The following LRRC4C variants were observed in gnomAD, a reference collection of about 807,000 sequenced individuals.
LRRC4C encodes leucine-rich repeat-containing protein 4C.
A neutral mutation model predicts 33.6 loss-of-function variants in LRRC4C; 5 were observed. The observed-to-expected ratio is 0.15, with a 90% CI of 0.08 to 0.31. The LOEUF is 0.31. Ranked by LOEUF, LRRC4C falls within the 10% of genes least tolerant of loss-of-function variation. LRRC4C has a pLI of 1.00. For synonymous variants in LRRC4C, 329 were observed against 302.0 expected, an observed-to-expected ratio of 1.09 and a Z score of -0.93; for missense variants, 560 against 796.7, an observed-to-expected ratio of 0.70 and a Z score of 3.58.
intron 3 of LRRC4C, among the ~76,000 whole-genome samples, chr11:40,411,217 TAAC>T (rs1426812423): frequency 1.3e-5 from 2 of 152,110 alleles, no homozygotes; most frequent in Non-Finnish European, 2.9e-5. Flanking sequence ...CATTAAAAGA[TAAC>T]AAAATGTGTG....
At chr11:40,545,862 C>T (rs1024599622) in intron 3 of LRRC4C, among the ~76,000 whole-genome samples, 3 of 151,898 alleles carry the variant, frequency 2.0e-5, no homozygotes, top group Non-Finnish European at 4.4e-5. Context: ...GAAACTTCAT[C>T]AGTCATTAAA....
chr11:41,425,882 G>A (rs1397336405), intron 1 of LRRC4C, among the ~76,000 whole-genome samples: 5 of 152,052 alleles, frequency 3.3e-5, no homozygotes, highest in Non-Finnish European at 5.9e-5. Flanking sequence ...TGAGCACGTG[G>A]GTAAGGGATA....
chr11:40,192,714 C>T (rs1377308541), intron 5 of LRRC4C, among the ~76,000 whole-genome samples: 7 of 152,156 alleles, frequency 4.6e-5, no homozygotes, highest in South Asian at 2.1e-4. Flanking sequence ...TTGAAATTCT[C>T]GCTGCCAGCA....
chr11:40,781,678 CA>C (rs971365623), intron 2 of LRRC4C, among the ~76,000 whole-genome samples: 4 of 152,118 alleles, frequency 2.6e-5, no homozygotes, highest in Non-Finnish European at 4.4e-5. Flanking sequence ...TCCCCCTTGC[CA>C]ATATTTTCAT....
chr11:40,678,417 T>G (rs1424838632), intron 2 of LRRC4C, among the ~76,000 whole-genome samples: 1 of 152,180 alleles, frequency 6.6e-6, no homozygotes, highest in African/African-American at 2.4e-5. Context: ...TGTTATTTCC[T>G]TGGTATATTT....
intron 1 of LRRC4C, among the ~76,000 whole-genome samples, chr11:41,083,240 G>A (rs1481056698): frequency 3.3e-5 from 5 of 151,940 alleles, no homozygotes; most frequent in Admixed American, 6.6e-5. Flanking sequence ...ATTATTAAAT[G>A]TATTTTTTAA....
chr11:40,509,432 A>C (rs1031273769), intron 3 of LRRC4C, among the ~76,000 whole-genome samples: 3 of 152,180 alleles, frequency 2.0e-5, no homozygotes, highest in Non-Finnish European at 4.4e-5. Flanking sequence ...GCAATTGAAG[A>C]AAAATGTAAA....
At chr11:40,284,970 T>G (rs1410943260) in intron 4 of LRRC4C, among the ~76,000 whole-genome samples, 9 of 152,232 alleles carry the variant, frequency 5.9e-5, no homozygotes, top group South Asian at 2.1e-4. Context: ...CTATCAGTGG[T>G]TTCGGGCATC....
At chr11:41,059,047 C>T (rs1182139588) in intron 1 of LRRC4C, among the ~76,000 whole-genome samples, 2 of 151,916 alleles carry the variant, frequency 1.3e-5, no homozygotes, top group African/African-American at 4.8e-5. Context: ...GACACCAGGG[C>T]TGACTTGAGG....
At chr11:40,821,983 C>T (rs2135472155) in intron 2 of LRRC4C, among the ~76,000 whole-genome samples, 1 of 151,830 alleles carries the variant, frequency 6.6e-6, no homozygotes, top group East Asian at 1.9e-4. Context: ...TATCTATCCC[C>T]TTAAACATTT....
At chr11:40,335,363 C>G (rs1171110809) in intron 3 of LRRC4C, among the ~76,000 whole-genome samples, 1 of 152,096 alleles carries the variant, frequency 6.6e-6, no homozygotes, top group African/African-American at 2.4e-5. Flanking sequence ...AAATCCTACA[C>G]CTAAGTCCTC....
At chr11:40,254,587 G>T (rs1383953321) in intron 4 of LRRC4C, among the ~76,000 whole-genome samples, 1 of 152,156 alleles carries the variant, frequency 6.6e-6, no homozygotes, top group Non-Finnish European at 1.5e-5. Context: ...ACACATAATA[G>T]AACTTCTAGA....
intron 5 of LRRC4C, among the ~76,000 whole-genome samples, chr11:40,223,979 A>G (rs1270593237): frequency 6.6e-6 from 1 of 152,232 alleles, no homozygotes; most frequent in East Asian, 1.9e-4. Context: ...TATTTAGATT[A>G]AGACTATTAT....
At chr11:41,156,624 T>A (rs1027265218) in intron 1 of LRRC4C, among the ~76,000 whole-genome samples, 28 of 151,970 alleles carry the variant, frequency 1.8e-4, no homozygotes, top group Admixed American at 6.6e-5. Context: ...TATATTACAA[T>A]GAACATGGCA....
chr11:41,129,569 G>T (rs921138428), intron 1 of LRRC4C, among the ~76,000 whole-genome samples: 2 of 151,398 alleles, frequency 1.3e-5, no homozygotes, highest in Non-Finnish European at 3.0e-5. Context: ...AAATTCAAAT[G>T]GATTCTTCAA....
At chr11:41,320,901 G>A (rs1950939498) in intron 1 of LRRC4C, among the ~76,000 whole-genome samples, 1 of 152,194 alleles carries the variant, frequency 6.6e-6, no homozygotes, top group South Asian at 2.1e-4. Context: ...CAGGAATGAA[G>A]TCATCTGTTC....
chr11:40,802,676 G>T (rs1461071740), intron 2 of LRRC4C, among the ~76,000 whole-genome samples: 8 of 152,208 alleles, frequency 5.3e-5, no homozygotes, highest in African/African-American at 1.9e-4. Flanking sequence ...GAAAGTAAAT[G>T]AAAAGACATA....
At chr11:40,521,796 G>T (rs1041613764) in intron 3 of LRRC4C, among the ~76,000 whole-genome samples, 4 of 152,014 alleles carry the variant, frequency 2.6e-5, no homozygotes, top group African/African-American at 9.7e-5. Flanking sequence ...TTGAACCTGG[G>T]AGCTGGAAAT....
At chr11:40,975,350 T>TATGGATAG (rs1852010028) in intron 1 of LRRC4C, among the ~76,000 whole-genome samples, 1 of 152,170 alleles carries the variant, frequency 6.6e-6, no homozygotes, top group South Asian at 2.1e-4. Flanking sequence ...TCTAACTACT[T>TATGGATAG]ATGGATAGAT....
Sources: allele counts gnomAD v4.1 joint callset (sites outside exome capture counted in the v4.1 genomes callset), GRCh38; gene constraint gnomAD v4.1.1; transcripts MANE v1.5; gene names NCBI Gene and HGNC (gene_info 2026-07-23, HGNC 2026-07-21).